Variants in KIRREL3 observed in about 807,000 individuals in gnomAD.
KIRREL3 encodes kin of IRRE-like protein 3.
KIRREL3 carries 36 observed loss-of-function variants against 89.7 expected under a neutral mutation model. The ratio of observed to expected loss-of-function variants is 0.40; its 90% CI spans 0.31 to 0.53. KIRREL3 has a LOEUF of 0.53. Ranked by LOEUF, KIRREL3 falls within the 20% of genes least tolerant of loss-of-function variation. The pLI is 0.49. For missense variants in KIRREL3, 864 were observed against 1,056.6 expected (o/e 0.82, Z 2.53); for synonymous variants, 445 against 441.4 (o/e 1.01, Z -0.10).
chr11:126,762,714 T>A (rs369133715), intron 1 of KIRREL3, among the ~76,000 whole-genome samples: 1 of 152,166 alleles, frequency 6.6e-6, no homozygotes, highest in African/African-American at 2.4e-5. Flanking sequence ...CTGGTTTCAA[T>A]GTTGTTAAGT....
rs1159288803 is a variant in KIRREL3, at chr11:127,000,514, T to C, written c.-5A>G. ...ATCGAGCTGGAAGGGTTTCATTCCT[T>C]AGCGCAGCGAAGGAAAGCCGGCGGG... On this transcript the variant is annotated 5_prime_UTR_variant, in exon 1 of 17. Transcript: ENST00000525144. This position sits in a 1 kb window ranked among gnomAD's most constrained non-coding sequence, Gnocchi z 7.1. 3.7e-6 allele frequency: 6 copies of C among 1,603,952 alleles called. No individual in the cohort carries two copies. The African/African-American group carries it at 5.4e-5, about 14-fold the overall frequency.
At chr11:126,921,967 C>A (rs201170272) in intron 1 of KIRREL3, among the ~76,000 whole-genome samples, 15 of 54,848 alleles carry the variant, frequency 2.7e-4, no homozygotes, top group Admixed American at 1.7e-3. Context: ...ATATCTATAT[C>A]TATCTATCTA....
rs1320440917 is a variant in KIRREL3 at position 126,570,748 on chromosome 11, G to A, written c.56-7836C>T. Among the ~76,000 whole-genome samples the A allele has an allele frequency of 6.6e-6, 1 of 152,184 alleles. No individual in the cohort carries two copies. Among genetic ancestry groups the A allele is most frequent in the Non-Finnish European group, 1.5e-5 (1 of 68,034 alleles). On this transcript the variant is annotated intron_variant, in intron 1 of 16. Coordinates refer to ENST00000525144, the MANE Select transcript of KIRREL3 (RefSeq NM_032531.4). This position sits in a 1 kb window ranked among gnomAD's most constrained non-coding sequence, Gnocchi z 6.1. ...TCAGCAACTCCTCACCACCAGCTGT[G>A]GGGTCTAGAATTATCTGTGCTGCTA...
chr11:126,601,706 C>A lies in KIRREL3; in HGVS notation c.56-38794G>T, dbSNP rs1942662663. The stretch of plus-strand genomic sequence containing the variant: ...CCGCCCCTCCTCCATTCTTCTCATG[C>A]ATCCTGCGGTGCCATTCGCCCACCC... On this transcript the variant is annotated intron_variant, in intron 1 of 16. Transcript: ENST00000525144. This position sits in a 1 kb window ranked among gnomAD's most constrained non-coding sequence, Gnocchi z 5.8. Among the ~76,000 whole-genome samples, 1 of 152,138 alleles carries A rather than the reference C, an allele frequency of 6.6e-6. No individual in the cohort carries two copies. The highest frequency in any genetic ancestry group is 6.5e-5 in the Admixed American group (1 of 15,286).
At position 126,528,189 on chromosome 11, in the gene KIRREL3, A is replaced by G. The variant is rs935844792; in HGVS notation, c.134-1502T>C. Among the ~76,000 whole-genome samples the G allele has an allele frequency of 5.3e-5, 8 of 152,060 alleles. No homozygotes were observed. Among genetic ancestry groups the G allele is most frequent in the Non-Finnish European group, 7.4e-5 (5 of 68,008 alleles). On this transcript the variant is annotated intron_variant, in intron 2 of 16. Transcript: ENST00000525144. The surrounding 1 kb of genome is among the most constrained non-coding windows in gnomAD (Gnocchi z 4.6). ...CAGACCCAGACCTAACCGAGGCAAAACTGGACCTGGCGCTCCAGCTGCTGA... is the reference window on the plus strand; with the variant it reads ...CAGACCCAGACCTAACCGAGGCAAAGCTGGACCTGGCGCTCCAGCTGCTGA...
intron 7 of KIRREL3, among the ~76,000 whole-genome samples, chr11:126,451,411 TGTGTGCATGTGTGAGC>T (rs994711673): frequency 6.6e-6 from 1 of 150,556 alleles, no homozygotes; most frequent in African/African-American, 2.4e-5. Flanking sequence ...TGTGTGCATG[TGTGTGCATGTGTGAGC>T]GTGTGCATGT....
intron 2 of KIRREL3, among the ~76,000 whole-genome samples, chr11:126,554,452 G>A (rs889713558): frequency 8.5e-5 from 13 of 152,206 alleles, no homozygotes; most frequent in Non-Finnish European, 1.8e-4. Flanking sequence ...CGCTGCCTGT[G>A]TTACTCTGGA....
In KIRREL3 at chr11:126,801,842, G is replaced by A. The variant is rs921744311; in HGVS notation, c.55+198613C>T. Among the ~76,000 whole-genome samples the A allele has an allele frequency of 5.3e-5, 8 of 152,168 alleles. No homozygotes were observed. In the East Asian group the frequency reaches 9.6e-4, roughly 18 times the overall value. ...TCCTAACTACTTGGAGGATGAGGCA[G>A]GAGGATCGCGTGATCCCAGGAGTTC... On this transcript the variant is annotated intron_variant, in intron 1 of 16. Transcript: ENST00000525144.
rs1954916572 is a variant in KIRREL3 at position 126,425,701 on chromosome 11, T to C, written c.1830A>G (p.Gln610=). The change falls in exon 16 of 17, where the codon CAA becomes CAG. Residue 610 remains glutamine, a synonymous_variant. Coordinates refer to ENST00000525144, the MANE Select transcript of KIRREL3 (RefSeq NM_032531.4). The part of the protein sequence containing the change: ...QLMMDRGEFQ[Q]DSVLKQLEVL... Reference sequence around the variant, plus strand: ...CCTCCAGCTGTTTCAGGACTGAGTCTTGCTGGAATTCACCCCGGTCCATCT... The same window carrying C: ...CCTCCAGCTGTTTCAGGACTGAGTCCTGCTGGAATTCACCCCGGTCCATCT... 1 of 1,598,052 alleles carries C rather than the reference T, an allele frequency of 6.3e-7. No individual in the cohort carries two copies.
Position 126,494,190 on chromosome 11 carries a change from G to A in KIRREL3, c.434-20724C>T, listed in dbSNP as rs541737332. Among the ~76,000 whole-genome samples the A allele has an allele frequency of 5.3e-5, 8 of 152,248 alleles. No individual in the cohort carries two copies. In the South Asian group the frequency reaches 1.0e-3, roughly 20 times the overall value. ...GGTCAAAATGCCAATTCTCTCAGTC[G>A]AAAATGAGATAAGCAAAGAAGTAGA... is the stretch of plus-strand genomic sequence containing the variant. On this transcript the variant is annotated intron_variant, in intron 4 of 16. Coordinates refer to ENST00000525144, the MANE Select transcript of KIRREL3 (RefSeq NM_032531.4).
At chr11:126,741,252 A>G (rs1182202293) in intron 1 of KIRREL3, among the ~76,000 whole-genome samples, 1 of 152,170 alleles carries the variant, frequency 6.6e-6, no homozygotes, top group Non-Finnish European at 1.5e-5. Context: ...GATGCCCATA[A>G]TGCTGCTCAC....
rs1449993013 is a variant in KIRREL3, at chr11:126,535,421, A to T, written c.134-8734T>A. ...GCAGAAGACCCCATGTTTCTCTATG[A>T]CTTGCACACCTGTGGCCCCATTCTG... On this transcript the variant is annotated intron_variant, in intron 2 of 16. Transcript: ENST00000525144. The surrounding 1 kb of genome is among the most constrained non-coding windows in gnomAD (Gnocchi z 4.5). Among the ~76,000 whole-genome samples, 1 of 152,152 alleles carries T rather than the reference A, an allele frequency of 6.6e-6. No individual in the cohort carries two copies. Among genetic ancestry groups the T allele is most frequent in the Non-Finnish European group, 1.5e-5 (1 of 68,026 alleles).
Position 126,710,941 on chromosome 11 carries a change from T to C in KIRREL3, c.56-148029A>G, listed in dbSNP as rs559489369. Among the ~76,000 whole-genome samples the C allele has an allele frequency of 6.6e-6, 1 of 152,338 alleles. No individual in the cohort carries two copies. Among genetic ancestry groups the C allele is most frequent in the Non-Finnish European group, 1.5e-5 (1 of 68,030 alleles). On this transcript the variant is annotated intron_variant, in intron 1 of 16. Transcript: ENST00000525144. This position sits in a 1 kb window ranked among gnomAD's most constrained non-coding sequence, Gnocchi z 4.2. ...ATAGGCCTCTTCACAATGTGCAGGC[T>C]GTGATGAGGATGGTGGCTGCTGGGA...
At position 126,697,689 on chromosome 11, in the gene KIRREL3, A is replaced by G. The variant is rs1280055242; in HGVS notation, c.56-134777T>C. Among the ~76,000 whole-genome samples the G allele has an allele frequency of 6.6e-6, 1 of 152,216 alleles. No homozygotes were observed. Reference sequence around the variant, plus strand: ...TCTTTCCTCCCAGTCCAAACCACAAATCCTAAATGCTCATTCAGCCTCACT... The same window carrying G: ...TCTTTCCTCCCAGTCCAAACCACAAGTCCTAAATGCTCATTCAGCCTCACT... On this transcript the variant is annotated intron_variant, in intron 1 of 16. Transcript: ENST00000525144. This position sits in a 1 kb window ranked among gnomAD's most constrained non-coding sequence, Gnocchi z 4.2.
intron 1 of KIRREL3, among the ~76,000 whole-genome samples, chr11:126,826,701 A>G (rs10736561): frequency 0.86 from 131,382 of 152,182 alleles, 57,066 homozygotes; most frequent in East Asian, 1. Context: ...TCTGGTCTGC[A>G]GCAAGGTAGA....
At chr11:126,889,488 T>C (rs1328239699) in intron 1 of KIRREL3, among the ~76,000 whole-genome samples, 1 of 152,124 alleles carries the variant, frequency 6.6e-6, no homozygotes, top group Admixed American at 6.6e-5. Flanking sequence ...TTTTTAAAAA[T>C]TGTTCTTCTT....
At chr11:126,547,431 T>C (rs984284901) in intron 2 of KIRREL3, among the ~76,000 whole-genome samples, 8 of 152,222 alleles carry the variant, frequency 5.3e-5, no homozygotes, top group Non-Finnish European at 1.2e-4. Context: ...ATTAACATGC[T>C]ACAGAAATGC....
chr11:126,680,699 G>A (rs529626363), intron 1 of KIRREL3, among the ~76,000 whole-genome samples: 2 of 150,226 alleles, frequency 1.3e-5, no homozygotes, highest in Admixed American at 1.3e-4. Flanking sequence ...TATGCAGAAT[G>A]AGTCTTAAAG....
chr11:126,781,256 GGA>G (rs1392858014), intron 1 of KIRREL3, among the ~76,000 whole-genome samples: 2 of 152,094 alleles, frequency 1.3e-5, no homozygotes, highest in African/African-American at 4.8e-5. Context: ...TCTACAAGGG[GGA>G]GATGAGTTGG....
Sources: allele counts gnomAD v4.1 joint callset (sites outside exome capture counted in the v4.1 genomes callset), GRCh38; gene constraint gnomAD v4.1.1; non-coding constraint Gnocchi (gnomAD v3.1); transcripts MANE v1.5; gene names NCBI Gene and HGNC (gene_info 2026-07-23, HGNC 2026-07-21).